The following NCAM2 variants were observed in gnomAD, a reference collection of about 807,000 sequenced individuals.
NCAM2 encodes the protein N-CAM-2.
NCAM2 carries 30 observed loss-of-function variants against 98.1 expected under a neutral mutation model. The ratio of observed to expected loss-of-function variants is 0.31; its 90% CI spans 0.23 to 0.41. The LOEUF is 0.41. Ranked by LOEUF, NCAM2 falls within the 10% of genes least tolerant of loss-of-function variation. The probability of loss-of-function intolerance (pLI) is 1.00; values close to 1 mark genes in which losing one functional copy is unlikely to be tolerated. For synonymous variants in NCAM2, 368 were observed against 342.4 expected, an observed-to-expected ratio of 1.07 and a Z score of -0.83; for missense variants, 867 against 1,005.8, an observed-to-expected ratio of 0.86 and a Z score of 1.87.
intron 1 of NCAM2, among the ~76,000 whole-genome samples, chr21:21,233,855 A>G (rs1385804970): frequency 2.0e-5 from 3 of 151,790 alleles, no homozygotes; most frequent in East Asian, 1.9e-4. Context: ...GTCTTAGAAT[A>G]GAAGTAATAG....
chr21:21,023,348 A>T (rs1253081663), intron 1 of NCAM2, among the ~76,000 whole-genome samples: 1 of 152,088 alleles, frequency 6.6e-6, no homozygotes, highest in Non-Finnish European at 1.5e-5. Flanking sequence ...ACATGGTGGA[A>T]TCCCGTCTCT....
Position 21,538,112 on chromosome 21 carries a change from G to C in NCAM2, c.*155G>C, listed in dbSNP as rs1990083857. On this transcript the variant is annotated 3_prime_UTR_variant, in exon 18 of 18. Coordinates refer to ENST00000400546, the MANE Select transcript of NCAM2 (RefSeq NM_004540.5). The stretch of plus-strand genomic sequence containing the variant: ...CATATGATCAAATACTCCTGCCCAT[G>C]ATCCATTCCCTTTTGTTATTGTTGT... The C allele has an allele frequency of 2.5e-6, 1 of 399,908 alleles. No individual in the cohort carries two copies. The highest frequency in any genetic ancestry group is 4.5e-5 in the Admixed American group (1 of 22,230). The allele number at this position is 399,908 out of a possible 1,614,324, so 24.8% of individuals were successfully genotyped here.
At chr21:21,514,602 G>T (rs545258532) in intron 16 of NCAM2, among the ~76,000 whole-genome samples, 1 of 151,750 alleles carries the variant, frequency 6.6e-6, no homozygotes, top group Admixed American at 6.6e-5. Flanking sequence ...GGTCAGTAAG[G>T]CCCTCTATAT....
chr21:21,248,005 A>G (rs183821602), intron 1 of NCAM2, among the ~76,000 whole-genome samples: 1 of 152,252 alleles, frequency 6.6e-6, no homozygotes, highest in East Asian at 1.9e-4. Flanking sequence ...AGAGGACAGA[A>G]TGTGAGGGAA....
At chr21:21,331,482 T>C (rs1286239670) in intron 6 of NCAM2, among the ~76,000 whole-genome samples, 3 of 94,832 alleles carry the variant, frequency 3.2e-5, no homozygotes, top group Admixed American at 1.3e-4. Context: ...TTATTTACTA[T>C]CCTGGTTAGT....
chr21:21,055,239 A>G (rs2065188544), intron 1 of NCAM2, among the ~76,000 whole-genome samples: 2 of 152,058 alleles, frequency 1.3e-5, no homozygotes, highest in Admixed American at 6.6e-5. Context: ...ACATGAAGTC[A>G]TATAAATTGT....
intron 1 of NCAM2, among the ~76,000 whole-genome samples, chr21:21,109,559 A>G (rs2066414329): frequency 6.6e-6 from 1 of 152,162 alleles, no homozygotes. Flanking sequence ...TATTAATGAA[A>G]TATTTTAAAT....
At chr21:21,219,786 A>C (rs1236091165) in intron 1 of NCAM2, among the ~76,000 whole-genome samples, 1 of 152,226 alleles carries the variant, frequency 6.6e-6, no homozygotes, top group African/African-American at 2.4e-5. Flanking sequence ...ATAGGAGATG[A>C]AAGCTCTATG....
chr21:21,125,957 A>G (rs1391864888), intron 1 of NCAM2, among the ~76,000 whole-genome samples: 5 of 151,592 alleles, frequency 3.3e-5, no homozygotes, highest in African/African-American at 1.2e-4. Flanking sequence ...ACCAACCAAA[A>G]TTATCTGCAA....
intron 15 of NCAM2, among the ~76,000 whole-genome samples, chr21:21,502,684 C>T (rs371079016): frequency 2.6e-5 from 4 of 151,884 alleles, no homozygotes; most frequent in South Asian, 2.1e-4. Flanking sequence ...GGAAAGATAC[C>T]GTACGTAGTA....
intron 1 of NCAM2, among the ~76,000 whole-genome samples, chr21:21,190,019 G>A (rs1035617597): frequency 2.0e-5 from 3 of 152,120 alleles, no homozygotes; most frequent in African/African-American, 7.2e-5. Context: ...GCTAAGTTGC[G>A]ATCATTCTTA....
At chr21:21,345,694 A>G (rs1022252585) in intron 8 of NCAM2, among the ~76,000 whole-genome samples, 4 of 152,116 alleles carry the variant, frequency 2.6e-5, no homozygotes, top group Non-Finnish European at 5.9e-5. Context: ...AGGTGTAGAA[A>G]GTTTATGCAA....
intron 1 of NCAM2, among the ~76,000 whole-genome samples, chr21:21,132,963 A>AC (rs1202771040): frequency 2.6e-5 from 4 of 152,180 alleles, no homozygotes; most frequent in Non-Finnish European, 5.9e-5. Flanking sequence ...TATCACTTAT[A>AC]CATAGATCCT....
chr21:21,522,979 A>C (rs1989116076), intron 16 of NCAM2, among the ~76,000 whole-genome samples: 1 of 152,066 alleles, frequency 6.6e-6, no homozygotes, highest in Admixed American at 6.6e-5. Flanking sequence ...CAGGTCTCCA[A>C]ATCATTTGAT....
chr21:21,087,486 T>C (rs1885008499), intron 1 of NCAM2, among the ~76,000 whole-genome samples: 1 of 152,194 alleles, frequency 6.6e-6, no homozygotes, highest in Admixed American at 6.5e-5. Context: ...GTTCTCCTAT[T>C]GGTCCTTTGG....
intron 8 of NCAM2, among the ~76,000 whole-genome samples, chr21:21,338,818 A>G (rs769447879): frequency 2.0e-5 from 3 of 152,150 alleles, no homozygotes; most frequent in Non-Finnish European, 4.4e-5. Flanking sequence ...CGTTGAATCT[A>G]TAAAGTATGT....
chr21:21,162,103 T>A (rs558387909), intron 1 of NCAM2, among the ~76,000 whole-genome samples: 1 of 152,250 alleles, frequency 6.6e-6, no homozygotes, highest in South Asian at 2.1e-4. Context: ...TTAGAGATAC[T>A]TATTACTTTG....
chr21:21,357,922 G>A (rs2075537864), intron 8 of NCAM2, among the ~76,000 whole-genome samples: 1 of 152,104 alleles, frequency 6.6e-6, no homozygotes, highest in Non-Finnish European at 1.5e-5. Flanking sequence ...TGTTTGTTCA[G>A]ATATTTTAGT....
intron 1 of NCAM2, among the ~76,000 whole-genome samples, chr21:21,070,267 GTATATA>G (rs56050809): frequency 2.1e-5 from 3 of 145,232 alleles, no homozygotes; most frequent in Non-Finnish European, 4.5e-5. Flanking sequence ...TGTACATAGT[GTATATA>G]TATATATATA....
Sources: allele counts gnomAD v4.1 joint callset (sites outside exome capture counted in the v4.1 genomes callset), GRCh38; gene constraint gnomAD v4.1.1; transcripts MANE v1.5; gene names NCBI Gene and HGNC (gene_info 2026-07-23, HGNC 2026-07-21).